GRM7: variants seen among roughly 807,000 people sequenced by gnomAD.
GRM7 encodes the protein metabotropic glutamate receptor 7.
A neutral mutation model predicts 84.5 loss-of-function variants in GRM7; 35 were observed. The observed-to-expected ratio is 0.41, with a 90% CI of 0.32 to 0.55. The LOEUF is 0.55. GRM7 is among the 20% of genes least tolerant of loss of function. GRM7 has a pLI of 0.19. For missense variants in GRM7, 1,003 were observed against 1,194.6 expected (o/e 0.84, Z 2.36); for synonymous variants, 487 against 455.1 (o/e 1.07, Z -0.89).
At chr3:7,395,408 A>G (rs887351273) in intron 4 of GRM7, among the ~76,000 whole-genome samples, 5 of 152,142 alleles carry the variant, frequency 3.3e-5, no homozygotes, top group Non-Finnish European at 7.3e-5. Flanking sequence ...CAACTCTAGT[A>G]TGGAGTTCCA....
intron 4 of GRM7, among the ~76,000 whole-genome samples, chr3:7,392,856 T>TA (rs1452925644): frequency 3.9e-4 from 60 of 152,308 alleles, no homozygotes; most frequent in Admixed American, 3.1e-3. Context: ...AGTTGCATCT[T>TA]AGTCTCACCA....
intron 1 of GRM7, among the ~76,000 whole-genome samples, chr3:6,950,870 A>G (rs1669047756): frequency 6.6e-6 from 1 of 152,166 alleles, no homozygotes; most frequent in South Asian, 2.1e-4. Flanking sequence ...GTGGGATATA[A>G]TCTCCCAGTG....
chr3:7,440,653 A>G (rs1489678364), intron 5 of GRM7, among the ~76,000 whole-genome samples: 5 of 152,110 alleles, frequency 3.3e-5, no homozygotes, highest in African/African-American at 1.2e-4. Context: ...CTCATCTTCT[A>G]GCCTCAAATA....
chr3:7,051,827 A>C (rs1697012143), intron 1 of GRM7, among the ~76,000 whole-genome samples: 1 of 151,814 alleles, frequency 6.6e-6, no homozygotes, highest in Non-Finnish European at 1.5e-5. Flanking sequence ...GATACAGAAA[A>C]TGGGAAGAGA....
intron 4 of GRM7, among the ~76,000 whole-genome samples, chr3:7,364,270 T>C (rs1038704251): frequency 2.9e-4 from 44 of 152,062 alleles, no homozygotes; most frequent in African/African-American, 1.0e-3. Context: ...CAATGACTCC[T>C]TTACCCCATT....
chr3:7,709,886 G>GAAT (rs1366289635), intron 9 of GRM7, among the ~76,000 whole-genome samples: 23 of 152,086 alleles, frequency 1.5e-4, no homozygotes, highest in Non-Finnish European at 2.2e-4. Flanking sequence ...AGGCTACCCA[G>GAAT]GTCCACCTTT....
At chr3:7,196,410 GAAC>G (rs1412745240) in intron 2 of GRM7, among the ~76,000 whole-genome samples, 4 of 152,078 alleles carry the variant, frequency 2.6e-5, no homozygotes, top group African/African-American at 9.7e-5. Context: ...CACATACAGT[GAAC>G]TATGCCACTG....
At chr3:7,692,008 A>T (rs1202642418) in intron 9 of GRM7, among the ~76,000 whole-genome samples, 2 of 151,560 alleles carry the variant, frequency 1.3e-5, no homozygotes, top group South Asian at 2.1e-4. Flanking sequence ...TTTTCGTTAC[A>T]TTTTTGTCTA....
chr3:6,939,571 T>A (rs749311771), intron 1 of GRM7, among the ~76,000 whole-genome samples: 8 of 152,178 alleles, frequency 5.3e-5, no homozygotes, highest in Admixed American at 1.3e-4. Flanking sequence ...AATGTAAGTT[T>A]TAGATAGTGA....
chr3:7,136,816 G>A (rs1245814744), intron 1 of GRM7, among the ~76,000 whole-genome samples: 2 of 152,110 alleles, frequency 1.3e-5, no homozygotes, highest in Non-Finnish European at 2.9e-5. Flanking sequence ...TGATGAGCAA[G>A]GTCTTTTTCT....
intron 9 of GRM7, among the ~76,000 whole-genome samples, chr3:7,733,885 C>G (rs1702408806): frequency 6.6e-6 from 1 of 152,280 alleles, no homozygotes; most frequent in Admixed American, 6.5e-5. Context: ...ACTGCATGGT[C>G]CAAATCAATG....
intron 1 of GRM7, among the ~76,000 whole-genome samples, chr3:6,910,858 T>C (rs544403458): frequency 9.2e-5 from 14 of 152,140 alleles, no homozygotes; most frequent in South Asian, 4.1e-4. Context: ...TTGAGAAAGA[T>C]TGATTTCTTA....
chr3:7,710,390 T>A (rs1354745774), intron 9 of GRM7, among the ~76,000 whole-genome samples: 1 of 152,176 alleles, frequency 6.6e-6, no homozygotes, highest in African/African-American at 2.4e-5. Context: ...GCCCTGTCAC[T>A]CACAAACACA....
At chr3:7,085,980 T>C (rs1264476734) in intron 1 of GRM7, among the ~76,000 whole-genome samples, 1 of 152,178 alleles carries the variant, frequency 6.6e-6, no homozygotes, top group Non-Finnish European at 1.5e-5. Flanking sequence ...AAATTTTGAG[T>C]ACTAATGACT....
intron 1 of GRM7, among the ~76,000 whole-genome samples, chr3:7,037,625 C>G (rs1052644196): frequency 1.3e-5 from 2 of 152,118 alleles, no homozygotes; most frequent in Admixed American, 1.3e-4. Context: ...CTGCAAAGAA[C>G]TTTAAATATA....
intron 9 of GRM7, among the ~76,000 whole-genome samples, chr3:7,707,556 A>T (rs1701429235): frequency 6.6e-6 from 1 of 152,218 alleles, no homozygotes; most frequent in Admixed American, 6.6e-5. Context: ...TTAAGTGGGC[A>T]CAGTCATTGG....
rs1357916488 is a variant in GRM7 at position 6,861,159 on chromosome 3, G to C, written c.-230G>C. 5 of 432,788 alleles carry C rather than the reference G, an allele frequency of 1.2e-5. 1 individual carries two copies. In the South Asian group the frequency reaches 1.7e-4, roughly 15 times the overall value. 26.8% of individuals were successfully genotyped at this position (432,788 alleles called of 1,614,324 possible). A position where few individuals can be genotyped will look rare whatever the true frequency, so the allele number is the denominator to read the frequency against. Reference sequence around the variant, plus strand: ...GAGCGAGCAGCAAGCCGGTGAGCGCGAGCGCGGCGCGCCGGCCGGCTAACC... The same window carrying C: ...GAGCGAGCAGCAAGCCGGTGAGCGCCAGCGCGGCGCGCCGGCCGGCTAACC... On this transcript the variant is annotated 5_prime_UTR_variant, in exon 1 of 10. Coordinates refer to ENST00000357716, the MANE Select transcript of GRM7 (RefSeq NM_000844.4). This position sits in a 1 kb window ranked among gnomAD's most constrained non-coding sequence, Gnocchi z 6.4.
At chr3:6,993,447 A>T (rs1407692277) in intron 1 of GRM7, among the ~76,000 whole-genome samples, 1 of 152,210 alleles carries the variant, frequency 6.6e-6, no homozygotes, top group Non-Finnish European at 1.5e-5. Context: ...AAGAAGTGGA[A>T]ACTCAAAGAC....
At chr3:7,169,313 T>C (rs1694907611) in intron 2 of GRM7, among the ~76,000 whole-genome samples, 1 of 152,204 alleles carries the variant, frequency 6.6e-6, no homozygotes, top group Non-Finnish European at 1.5e-5. Context: ...TTTGTCCCTT[T>C]GTTAATAAAG....
Sources: allele counts gnomAD v4.1 joint callset (sites outside exome capture counted in the v4.1 genomes callset), GRCh38; gene constraint gnomAD v4.1.1; non-coding constraint Gnocchi (gnomAD v3.1); transcripts MANE v1.5; gene names NCBI Gene and HGNC (gene_info 2026-07-23, HGNC 2026-07-21).